The following NEMF variants were observed in gnomAD, a reference collection of about 807,000 sequenced individuals.
NEMF encodes ribosome quality control complex subunit NEMF.
In NEMF, 89 loss-of-function variants were observed where a neutral mutation model predicts 162.2. The ratio of observed to expected loss-of-function variants is 0.55; its 90% CI spans 0.46 to 0.65. The LOEUF is 0.65. NEMF is among the 30% of genes least tolerant of loss of function. The pLI is 0.00. For missense variants in NEMF, 1,133 were observed against 1,261.9 expected, an observed-to-expected ratio of 0.90 and a Z score of 1.55; for synonymous variants, 421 against 404.5, an observed-to-expected ratio of 1.04 and a Z score of -0.49.
chr14:49,823,311 A>T (rs1245079669), intron 16 of NEMF, among the ~76,000 whole-genome samples: 2 of 152,120 alleles, frequency 1.3e-5, no homozygotes, highest in Non-Finnish European at 2.9e-5. Context: ...CCAAAAAAGA[A>T]TACTAAAAAA....
chr14:49,788,287 A>AAAAG (rs1890272586), intron 28 of NEMF, among the ~76,000 whole-genome samples: 1 of 151,260 alleles, frequency 6.6e-6, no homozygotes, highest in Non-Finnish European at 1.5e-5. Context: ...AAAAAAAAAA[A>AAAAG]AAAAAAAAAT....
At chr14:49,820,764 C>T (rs1338925117) in intron 16 of NEMF, among the ~76,000 whole-genome samples, 3 of 152,092 alleles carry the variant, frequency 2.0e-5, no homozygotes, top group East Asian at 1.9e-4. Context: ...ATTGCAGGTG[C>T]GTGCCGCCAC....
intron 14 of NEMF, 37 bp from the exon 15 acceptor site, chr14:49,828,391 T>C: frequency 1.5e-6 from 2 of 1,321,772 alleles, no homozygotes; most frequent in Non-Finnish European, 2.1e-6. Flanking sequence ...TTAAGTATAA[T>C]ATTTATTCTT....
At chr14:49,837,589 G>T (rs1268695440) in intron 6 of NEMF, among the ~76,000 whole-genome samples, 4 of 152,120 alleles carry the variant, frequency 2.6e-5, no homozygotes, top group Admixed American at 6.5e-5. Context: ...CTAACAGCTG[G>T]AAAGTTCTAA....
intron 16 of NEMF, among the ~76,000 whole-genome samples, chr14:49,818,999 A>G (rs905758541): frequency 2.0e-5 from 3 of 152,178 alleles, no homozygotes; most frequent in African/African-American, 7.2e-5. Context: ...ACAGACAATC[A>G]AGGAGCACCA....
At chr14:49,852,027 C>T in intron 1 of NEMF, 152 bp from the exon 2 acceptor site, 1 of 567,134 alleles carries the variant, frequency 1.8e-6, no homozygotes, top group East Asian at 2.9e-5. Flanking sequence ...TTTGGAGATT[C>T]AGTTCAAAAC....
chr14:49,799,207 C>CAA (rs780442972), intron 25 of NEMF, among the ~76,000 whole-genome samples: 2,413 of 59,028 alleles, frequency 0.041, 562 homozygotes, highest in South Asian at 0.063. Flanking sequence ...GACCCTGTTT[C>CAA]AAAAAAAAAA....
intron 29 of NEMF, 54 bp downstream of exon 29, chr14:49,786,664 G>A: frequency 6.7e-7 from 1 of 1,494,014 alleles, no homozygotes; most frequent in South Asian, 1.2e-5. Flanking sequence ...AAACATTCTG[G>A]GAACTGAATT....
intron 11 of NEMF, among the ~76,000 whole-genome samples, chr14:49,829,999 A>G (rs139474923): frequency 2.0e-5 from 3 of 152,276 alleles, no homozygotes; most frequent in Non-Finnish European, 4.4e-5. Context: ...TTTTACAGAA[A>G]CTTTTTCCCC....
chr14:49,852,486 G>A (rs1302652735), intron 1 of NEMF, among the ~76,000 whole-genome samples: 1 of 152,244 alleles, frequency 6.6e-6, no homozygotes, highest in Non-Finnish European at 1.5e-5. Context: ...GGGAGGACGC[G>A]GGGGATGGGG....
intron 26 of NEMF, 63 bp downstream of exon 26, chr14:49,795,728 T>A: frequency 6.7e-7 from 1 of 1,485,312 alleles, no homozygotes. Context: ...ACTTCAACTT[T>A]AAAAAATTAA....
At chr14:49,843,969 C>T (rs1188443556) in intron 4 of NEMF, among the ~76,000 whole-genome samples, 3 of 151,914 alleles carry the variant, frequency 2.0e-5, no homozygotes, top group African/African-American at 7.3e-5. Context: ...CATGGTAGTA[C>T]ATGCCAGTAA....
Position 49,814,025 on chromosome 14 carries a change from A to T in NEMF, c.1707T>A (p.Leu569=), listed in dbSNP as rs534368514. The T allele has an allele frequency of 9.7e-6, 15 of 1,549,388 alleles. No homozygotes were observed. The highest frequency in any genetic ancestry group is 9.5e-5 in the African/African-American group (7 of 73,960). ...TPGDIYVHAD[L]HGATSCVIKN... Reference sequence around the variant, plus strand: ...TAATTACACAGCTAGTAGCTCCATGAAGATCAGCATGTACATAAATGTCTC... The same window carrying T: ...TAATTACACAGCTAGTAGCTCCATGTAGATCAGCATGTACATAAATGTCTC... Residue 569 remains leucine, a synonymous_variant, in exon 18 of 33, where the codon CTT becomes CTA. Transcript: ENST00000298310.
chr14:49,795,353 G>A (rs1472342592), intron 26 of NEMF, among the ~76,000 whole-genome samples: 23 of 150,400 alleles, frequency 1.5e-4, no homozygotes, highest in African/African-American at 5.4e-4. Flanking sequence ...AGCTGACAGC[G>A]GGGTTGGGGG....
chr14:49,837,815 T>TAAAAAA (rs10709373), intron 6 of NEMF, among the ~76,000 whole-genome samples: 1 of 122,780 alleles, frequency 8.1e-6, no homozygotes, highest in Non-Finnish European at 1.7e-5. Context: ...ACCCACCAAT[T>TAAAAAA]AAAAAAAAAA....
chr14:49,813,662 G>GGGGGGT (rs892212697), intron 18 of NEMF, among the ~76,000 whole-genome samples: 21 of 148,670 alleles, frequency 1.4e-4, no homozygotes, highest in African/African-American at 3.5e-4. Context: ...TTTTTTATTA[G>GGGGGGT]GTGTGTGTGT....
chr14:49,845,577 ACTTT>A (rs1366684823), intron 4 of NEMF, among the ~76,000 whole-genome samples: 5 of 152,158 alleles, frequency 3.3e-5, no homozygotes, highest in African/African-American at 9.6e-5. Flanking sequence ...GCTGTACAAT[ACTTT>A]CTTTCTTTAG....
chr14:49,789,134 A>T lies in NEMF; in HGVS notation c.2895+12T>A. 6.2e-7 allele frequency: 1 copy of T among 1,609,794 alleles called. No individual in the cohort carries two copies. Among genetic ancestry groups the T allele is most frequent in the Non-Finnish European group, 8.5e-7 (1 of 1,176,898 alleles). ...CCTAATTAAGAAGCAGAAGCCCACA[A>T]AGTAGCCATACCTTGTCATCATGTG... On this transcript the variant is annotated intron_variant, in intron 28 of 32. Transcript: ENST00000298310.
chr14:49,790,501 AAAAAG>A (rs1890388654), intron 26 of NEMF, among the ~76,000 whole-genome samples: 1 of 152,330 alleles, frequency 6.6e-6, no homozygotes, highest in Middle Eastern at 3.4e-3. Context: ...AAATGACTGA[AAAAAG>A]AAAACAATAC....
Sources: gnomAD v4.1 joint callset for allele counts (sites outside exome capture counted in the v4.1 genomes callset) on GRCh38, gnomAD v4.1.1 for gene constraint, MANE v1.5 for transcripts, NCBI Gene and HGNC (gene_info 2026-07-23, HGNC 2026-07-21) for gene names.